The following RNF185 variants were observed in gnomAD, a reference collection of about 807,000 sequenced individuals.
RNF185 encodes the protein ring finger protein 185.
Under a neutral mutation model 24.9 loss-of-function variants are expected in RNF185, and 13 were observed. The observed-to-expected ratio is 0.52, with a 90% CI of 0.34 to 0.83. The LOEUF (loss-of-function observed/expected upper bound fraction) is 0.83. RNF185 is among the 40% of genes least tolerant of loss of function. The pLI is 0.01. For synonymous variants in RNF185, 79 were observed against 90.3 expected, an observed-to-expected ratio of 0.88 and a Z score of 0.71; for missense variants, 184 against 244.7, an observed-to-expected ratio of 0.75 and a Z score of 1.65.
In RNF185 at chr22:31,206,132, T is replaced by C. The variant is rs2048312419; in HGVS notation, c.*1546T>C. On this transcript the variant is annotated 3_prime_UTR_variant, in exon 7 of 7. Coordinates refer to ENST00000326132, the MANE Select transcript of RNF185 (RefSeq NM_152267.4). The stretch of plus-strand genomic sequence containing the variant: ...AGGAAGCCCCATCTATTGCTTTTTC[T>C]CAATTATGACTGCATAGTTTATGGA... 6.5e-6 allele frequency: 1 copy of C among 154,364 alleles called. No individual in the cohort carries two copies. The highest frequency in any genetic ancestry group is 1.9e-4 in the East Asian group (1 of 5,180). 9.6% of individuals were successfully genotyped at this position (154,364 alleles called of 1,614,324 possible).
At chr22:31,191,590 G>A (rs1415942191) in intron 2 of RNF185, among the ~76,000 whole-genome samples, 1 of 152,158 alleles carries the variant, frequency 6.6e-6, no homozygotes, top group African/African-American at 2.4e-5. Flanking sequence ...CAGCACTTTG[G>A]GAGGCCAAGG....
At chr22:31,184,980 A>AT (rs35419857) in intron 1 of RNF185, among the ~76,000 whole-genome samples, 55,677 of 137,704 alleles carry the variant, frequency 0.4, 13,300 homozygotes, top group Non-Finnish European at 0.55. Context: ...ATTTTTTAAG[A>AT]TTTTTTTTTT....
chr22:31,166,400 CCTT>C (rs1353098195), intron 1 of RNF185, among the ~76,000 whole-genome samples: 1 of 152,098 alleles, frequency 6.6e-6, no homozygotes, highest in Non-Finnish European at 1.5e-5. Flanking sequence ...TGCTATATTT[CCTT>C]CTTGTTTCCT....
intron 2 of RNF185, 47 bp from the exon 3 acceptor site, chr22:31,192,637 C>A: frequency 2.5e-6 from 4 of 1,591,874 alleles, no homozygotes; most frequent in Non-Finnish European, 3.4e-6. Flanking sequence ...TTCCTTTCCC[C>A]TTTTCTCCTT....
Position 31,169,225 on chromosome 22 carries a change from G to C in RNF185, c.-49+8922G>C, listed in dbSNP as rs568651164. ...CATACCTGGCCCCACTTTTGAATCA[G>C]GTTGTTTGTTGTTAAGTTTTAGGAG... On this transcript the variant is annotated intron_variant, in intron 1 of 6. Transcript: ENST00000326132. Among the ~76,000 whole-genome samples, 5 of 152,166 alleles carry C rather than the reference G, an allele frequency of 3.3e-5. No individual in the cohort carries two copies. The East Asian group carries it at 5.8e-4, about 18-fold the overall frequency.
intron 1 of RNF185, among the ~76,000 whole-genome samples, chr22:31,161,351 T>A (rs981800535): frequency 6.6e-6 from 1 of 152,212 alleles, no homozygotes; most frequent in African/African-American, 2.4e-5. Context: ...TGGTGCTGAC[T>A]CTGCTCTCAA....
chr22:31,164,866 G>A (rs1186462304), intron 1 of RNF185, among the ~76,000 whole-genome samples: 2 of 151,772 alleles, frequency 1.3e-5, no homozygotes, highest in Admixed American at 6.6e-5. Flanking sequence ...GATTACAGGT[G>A]TGCCACCACA....
chr22:31,200,728 A>G lies in RNF185; in HGVS notation c.364-770A>G, dbSNP rs191124450. Among the ~76,000 whole-genome samples, 16 of 152,342 alleles carry G rather than the reference A, an allele frequency of 1.1e-4. No homozygotes were observed. The East Asian group carries it at 2.7e-3, about 26-fold the overall frequency. On this transcript the variant is annotated intron_variant, in intron 5 of 6. Transcript: ENST00000326132. ...AAAGTGGAGTGGCTGCGAAGTGGGAAGGTGAATAGAAGATCTCTGACTCTG... is the reference window on the plus strand; with the variant it reads ...AAAGTGGAGTGGCTGCGAAGTGGGAGGGTGAATAGAAGATCTCTGACTCTG...
intron 1 of RNF185, among the ~76,000 whole-genome samples, chr22:31,161,607 A>G (rs1451203531): frequency 6.6e-6 from 1 of 152,230 alleles, no homozygotes; most frequent in Non-Finnish European, 1.5e-5. Flanking sequence ...CAAGTTGGAA[A>G]TGCCTCTGAA....
intron 5 of RNF185, among the ~76,000 whole-genome samples, chr22:31,199,691 A>C (rs975948128): frequency 6.6e-6 from 1 of 152,218 alleles, no homozygotes; most frequent in African/African-American, 2.4e-5. Flanking sequence ...CAAGTAAGGC[A>C]GCCTCAGTCC....
intron 5 of RNF185, among the ~76,000 whole-genome samples, chr22:31,198,704 CTTTTT>C (rs1196076379): frequency 1.4e-5 from 1 of 69,654 alleles, no homozygotes; most frequent in Non-Finnish European, 2.9e-5. Flanking sequence ...CTGCCACTTT[CTTTTT>C]TTTTTTTTTT....
At chr22:31,184,099 G>A (rs1231017268) in intron 1 of RNF185, among the ~76,000 whole-genome samples, 1 of 151,144 alleles carries the variant, frequency 6.6e-6, no homozygotes, top group Non-Finnish European at 1.5e-5. Flanking sequence ...GCCGGGCGGG[G>A]GCTGCCCACC....
Position 31,187,936 on chromosome 22 carries a change from TG to T in RNF185, c.176+667del, listed in dbSNP as rs57904256. Among the ~76,000 whole-genome samples, 298 of 151,066 alleles carry T rather than the reference TG, an allele frequency of 2.0e-3. 1 individual carries two copies. Among genetic ancestry groups the T allele is most frequent in the African/African-American group, 5.6e-3 (228 of 41,054 alleles). ...TTTTGGTTTTTTGTGTGTGTGTGTGTGTTTTTTTTTGTCTTGAGATTTTGAG... is the reference window on the plus strand; with the variant it reads ...TTTTGGTTTTTTGTGTGTGTGTGTGTTTTTTTTTTGTCTTGAGATTTTGAG... On this transcript the variant is annotated intron_variant, in intron 2 of 6. Transcript: ENST00000326132.
At chr22:31,164,903 A>T (rs559799821) in intron 1 of RNF185, among the ~76,000 whole-genome samples, 51 of 144,952 alleles carry the variant, frequency 3.5e-4, no homozygotes, top group African/African-American at 1.2e-3. Context: ...ACTAAAATTT[A>T]TTTTTTTTTT....
At chr22:31,162,434 G>A (rs1193047148) in intron 1 of RNF185, among the ~76,000 whole-genome samples, 1 of 151,952 alleles carries the variant, frequency 6.6e-6, no homozygotes, top group Admixed American at 6.6e-5. Flanking sequence ...TGAAGAAGTG[G>A]CTCTGAAAAA....
chr22:31,193,255 G>A (rs993689731), intron 3 of RNF185, among the ~76,000 whole-genome samples: 1 of 152,208 alleles, frequency 6.6e-6, no homozygotes, highest in African/African-American at 2.4e-5. Context: ...CTGGGAATGT[G>A]GGGGAGGACA....
intron 1 of RNF185, among the ~76,000 whole-genome samples, chr22:31,161,333 C>T (rs966804473): frequency 6.6e-6 from 1 of 152,164 alleles, no homozygotes; most frequent in Non-Finnish European, 1.5e-5. Flanking sequence ...AGTTGTTCTG[C>T]ATCTTTCTGG....
chr22:31,178,310 C>T (rs958578998), intron 1 of RNF185, among the ~76,000 whole-genome samples: 1 of 152,082 alleles, frequency 6.6e-6, no homozygotes, highest in African/African-American at 2.4e-5. Context: ...CTGGATAGGC[C>T]CTGAGGTTTC....
At chr22:31,202,643 C>T (rs1477371817) in intron 6 of RNF185, among the ~76,000 whole-genome samples, 1 of 127,442 alleles carries the variant, frequency 7.8e-6, no homozygotes, top group Non-Finnish European at 1.6e-5. Flanking sequence ...GATGGAGTCT[C>T]GCTCTGTCCC....
Sources: allele counts gnomAD v4.1 joint callset (sites outside exome capture counted in the v4.1 genomes callset), GRCh38; gene constraint gnomAD v4.1.1; transcripts MANE v1.5; gene names NCBI Gene and HGNC (gene_info 2026-07-23, HGNC 2026-07-21).